The following FAT3 variants were observed in gnomAD, a reference collection of about 807,000 sequenced individuals.
FAT3 encodes the protein protocadherin Fat 3.
In FAT3, 95 loss-of-function variants were observed where a neutral mutation model predicts 310.2. The ratio of observed to expected loss-of-function variants is 0.31; its 90% confidence interval spans 0.26 to 0.36. The LOEUF (loss-of-function observed/expected upper bound fraction) is 0.36, where lower values mean the gene tolerates loss of function less well. Among genes scored for constraint, FAT3 ranks in the 10% least tolerant of loss-of-function variants. The pLI is 1.00. For missense variants in FAT3, 5,408 were observed against 5,715.6 expected (o/e 0.95, Z 1.74); for synonymous variants, 2,314 against 2,192.9 (o/e 1.06, Z -1.54).
rs565301160 is a variant in FAT3, at chr11:92,488,399, A to AAGCTGCT, written c.3293-36233_3293-36227dup. On this transcript the variant is annotated intron_variant, in intron 2 of 27. Coordinates refer to ENST00000525166, the MANE Select transcript of FAT3 (RefSeq NM_001367949.2). ...TGAAATGATAAATATTTTCTGTTTT[A>AAGCTGCT]AGCTGCTAATTTTGTAGCAATTTGT... Among the ~76,000 whole-genome samples, 458 of 140,280 alleles carry AAGCTGCT rather than the reference A, an allele frequency of 3.3e-3. 2 individuals are homozygous for AAGCTGCT. The highest frequency in any genetic ancestry group is 4.9e-3 in the Admixed American group (64 of 12,952). The allele number at this position is 140,280 out of a possible 152,430, so 92.0% of individuals were successfully genotyped here. A position where few individuals can be genotyped will look rare whatever the true frequency, so the allele number is the denominator to read the frequency against.
At chr11:92,308,014 T>G (rs568684641) in intron 1 of FAT3, among the ~76,000 whole-genome samples, 77 of 152,234 alleles carry the variant, frequency 5.1e-4, no homozygotes, top group African/African-American at 1.8e-3. Context: ...CTAGCTCTAG[T>G]AGCCCTGAAC....
intron 3 of FAT3, among the ~76,000 whole-genome samples, chr11:92,652,564 G>A (rs948795324): frequency 6.6e-6 from 1 of 152,156 alleles, no homozygotes; most frequent in Non-Finnish European, 1.5e-5. Context: ...CTAGGATGAA[G>A]AACATGAGGC....
intron 4 of FAT3, among the ~76,000 whole-genome samples, chr11:92,737,675 A>G (rs1188025660): frequency 3.9e-5 from 6 of 152,170 alleles, no homozygotes; most frequent in Non-Finnish European, 8.8e-5. Context: ...ATTACTAAAA[A>G]TAAGCAGTCA....
chr11:92,853,280 G>A (rs559675952), intron 19 of FAT3, among the ~76,000 whole-genome samples: 91 of 152,256 alleles, frequency 6.0e-4, no homozygotes, highest in Non-Finnish European at 1.1e-3. Context: ...TCTGTGTGAG[G>A]CTGCAGCTGG....
intron 3 of FAT3, among the ~76,000 whole-genome samples, chr11:92,600,743 A>G (rs1019531101): frequency 6.6e-6 from 1 of 152,204 alleles, no homozygotes; most frequent in South Asian, 2.1e-4. Flanking sequence ...ATAACATTTC[A>G]GAGAGTGAAA....
At chr11:92,460,594 G>A (rs191995940) in intron 2 of FAT3, among the ~76,000 whole-genome samples, 9 of 152,310 alleles carry the variant, frequency 5.9e-5, no homozygotes, top group Non-Finnish European at 4.4e-5. Flanking sequence ...ATTAAGAAGT[G>A]TATCTGTGCA....
intron 2 of FAT3, among the ~76,000 whole-genome samples, chr11:92,410,441 G>A (rs1333691058): frequency 1.3e-5 from 2 of 152,090 alleles, no homozygotes; most frequent in African/African-American, 2.4e-5. Flanking sequence ...GTGGAAGGGT[G>A]GAGCTTTAAC....
intron 27 of FAT3, 106 bp downstream of exon 27, chr11:92,889,997 G>C: frequency 1.4e-6 from 1 of 716,310 alleles, no homozygotes; most frequent in South Asian, 1.5e-5. Context: ...AATTTTGCAT[G>C]TCTCAGGTGT....
At chr11:92,447,252 TG>T in intron 2 of FAT3, among the ~76,000 whole-genome samples, 1 of 151,742 alleles carries the variant, frequency 6.6e-6, no homozygotes. Context: ...TGTGTGTGTG[TG>T]TGTACAGTGG....
At chr11:92,422,365 C>T (rs1393567658) in intron 2 of FAT3, among the ~76,000 whole-genome samples, 3 of 152,170 alleles carry the variant, frequency 2.0e-5, no homozygotes, top group Non-Finnish European at 2.9e-5. Flanking sequence ...CTTCGCTGAG[C>T]CTCCTTCACT....
chr11:92,552,926 G>C (rs1266331574), intron 3 of FAT3, among the ~76,000 whole-genome samples: 1 of 149,960 alleles, frequency 6.7e-6, no homozygotes, highest in African/African-American at 2.5e-5. Flanking sequence ...CTCCAGCCTG[G>C]GTGACAGAGT....
intron 6 of FAT3, among the ~76,000 whole-genome samples, chr11:92,770,139 C>T (rs146383480): frequency 1.1e-4 from 16 of 152,340 alleles, no homozygotes; most frequent in Non-Finnish European, 7.4e-5. Flanking sequence ...TCAAACACTT[C>T]ATTTCCCCTA....
intron 4 of FAT3, among the ~76,000 whole-genome samples, chr11:92,715,798 T>C (rs892357634): frequency 4.0e-5 from 6 of 151,822 alleles, no homozygotes; most frequent in African/African-American, 1.5e-4. Context: ...GACCTGGGCC[T>C]TGGATAAGAA....
chr11:92,509,108 C>T (rs764614528), intron 2 of FAT3, among the ~76,000 whole-genome samples: 6 of 151,984 alleles, frequency 3.9e-5, no homozygotes, highest in Non-Finnish European at 5.9e-5. Flanking sequence ...TATCAAAATA[C>T]AAAAAGGAGC....
intron 2 of FAT3, among the ~76,000 whole-genome samples, chr11:92,495,327 C>G (rs926022380): frequency 6.6e-6 from 1 of 152,050 alleles, no homozygotes; most frequent in African/African-American, 2.4e-5. Flanking sequence ...GGGCTGGAAT[C>G]CAGGTTTCTC....
At chr11:92,419,288 A>G (rs1188618198) in intron 2 of FAT3, among the ~76,000 whole-genome samples, 3 of 152,176 alleles carry the variant, frequency 2.0e-5, no homozygotes, top group Admixed American at 6.6e-5. Flanking sequence ...ATGATGTGCT[A>G]TGCTCCTATT....
chr11:92,381,275 C>T lies in FAT3; in HGVS notation c.3292+25871C>T, dbSNP rs145902441. On this transcript the variant is annotated intron_variant, in intron 2 of 27. Transcript: ENST00000525166. Reference sequence around the variant, plus strand: ...CTGTAATCCCAGCGTTTAGGGAGGCCGAGGCAGGTGGATCACTTGAGGTCG... The same window carrying T: ...CTGTAATCCCAGCGTTTAGGGAGGCTGAGGCAGGTGGATCACTTGAGGTCG... Among the ~76,000 whole-genome samples, 1,030 of 152,110 alleles carry T rather than the reference C, an allele frequency of 6.8e-3. 13 individuals are homozygous for T. Among genetic ancestry groups the T allele is most frequent in the African/African-American group, 0.023 (965 of 41,504 alleles).
At chr11:92,566,668 T>C (rs1458216153) in intron 3 of FAT3, among the ~76,000 whole-genome samples, 1 of 150,428 alleles carries the variant, frequency 6.6e-6, no homozygotes, top group East Asian at 2.0e-4. Context: ...CAAAACAGCA[T>C]GGTACTGGTA....
intron 2 of FAT3, among the ~76,000 whole-genome samples, chr11:92,412,766 T>TACAC (rs1950324635): frequency 1.7e-5 from 2 of 119,484 alleles, no homozygotes; most frequent in Non-Finnish European, 3.6e-5. Flanking sequence ...CATATATATA[T>TACAC]ATTTAATGTA....
Sources: gnomAD v4.1 joint callset for allele counts (sites outside exome capture counted in the v4.1 genomes callset) on GRCh38, gnomAD v4.1.1 for gene constraint, MANE v1.5 for transcripts, NCBI Gene and HGNC (gene_info 2026-07-23, HGNC 2026-07-21) for gene names.